The following SNAPC3 variants were observed in gnomAD, a reference collection of about 807,000 sequenced individuals.
SNAPC3 encodes the protein small nuclear RNA activating complex polypeptide 3, also known as snRNA-activating protein complex subunit 3.
Under a neutral mutation model 47.7 loss-of-function variants are expected in SNAPC3, and 56 were observed. That is an observed-to-expected ratio of 1.18 (90% CI 0.95 to 1.47). The LOEUF is 1.47. Ranked by LOEUF, SNAPC3 falls within the 40% of genes most tolerant of loss-of-function variation. The probability of loss-of-function intolerance (pLI) is 0.00; values close to 1 mark genes in which losing one functional copy is unlikely to be tolerated. For missense variants in SNAPC3, 665 were observed against 511.3 expected, an observed-to-expected ratio of 1.30 and a Z score of -2.90; for synonymous variants, 235 against 189.9, an observed-to-expected ratio of 1.24 and a Z score of -1.95.
downstream of SNAPC3, chr9:15,462,331 A>T (rs946994985): frequency 3.9e-5 from 6 of 152,228 alleles, no homozygotes; most frequent in Non-Finnish European, 4.4e-5. Flanking sequence ...GAGAAAAGTT[A>T]ATCAACCAGG....
Position 15,444,024 on chromosome 9 carries a change from A to G in SNAPC3, c.478-578A>G, listed in dbSNP as rs369674070. Among the ~76,000 whole-genome samples the G allele has an allele frequency of 3.9e-5, 6 of 152,312 alleles. No homozygotes were observed. In the East Asian group the frequency reaches 9.6e-4, roughly 24 times the overall value. Reference sequence around the variant, plus strand: ...GGAGCTGCCTACTCTATTTTGTGACATGATTCCCACTTATTTTTAAAACTC... The same window carrying G: ...GGAGCTGCCTACTCTATTTTGTGACGTGATTCCCACTTATTTTTAAAACTC... On this transcript the variant is annotated intron_variant, in intron 3 of 8. Transcript: ENST00000380821.
intron 2 of SNAPC3, among the ~76,000 whole-genome samples, chr9:15,428,245 A>G (rs939678170): frequency 6.6e-6 from 1 of 152,202 alleles, no homozygotes; most frequent in African/African-American, 2.4e-5. Context: ...AAAAATGAGC[A>G]AGAGGAAATA....
At chr9:15,429,194 GT>G (rs140696854) in intron 2 of SNAPC3, among the ~76,000 whole-genome samples, 3 of 151,390 alleles carry the variant, frequency 2.0e-5, no homozygotes, top group Non-Finnish European at 2.9e-5. Context: ...ATAGAGCAGT[GT>G]TTTTTTTTAA....
chr9:15,436,581 C>G (rs111245985), intron 3 of SNAPC3, among the ~76,000 whole-genome samples: 16 of 152,226 alleles, frequency 1.1e-4, no homozygotes, highest in African/African-American at 3.9e-4. Flanking sequence ...AGTGTGAGTC[C>G]TCCAACTTTG....
chr9:15,450,466 A>G (rs1587361790), intron 5 of SNAPC3, among the ~76,000 whole-genome samples: 1 of 152,360 alleles, frequency 6.6e-6, no homozygotes, highest in East Asian at 1.9e-4. Context: ...CCTGTAAGAC[A>G]TCGTGGCAGA....
intron 2 of SNAPC3, among the ~76,000 whole-genome samples, chr9:15,427,117 GT>G (rs1205772287): frequency 6.6e-6 from 1 of 152,078 alleles, no homozygotes; most frequent in Non-Finnish European, 1.5e-5. Flanking sequence ...GAAAGAGCTC[GT>G]TTTATGCATA....
rs148038928 is a variant in SNAPC3 at position 15,451,381 on chromosome 9, C to T, written c.794C>T (p.Pro265Leu). The change falls in exon 6 of 9, where the codon CCA (proline) becomes CTA (leucine). Residue 265 changes from proline to leucine, a missense_variant. Physicochemically the swap from Pro to Leu is moderately conservative, Grantham distance 98. Transcript: ENST00000380821. The stretch of plus-strand genomic sequence containing the variant: ...ACATTTTATAATGATAAAAGATACC[C>T]AGAATGCAGAGATTTGAGCAGGTAT... ...EGTFYNDKRY[P>L]ECRDLSRTII... 2 of 1,541,688 alleles carry T rather than the reference C, an allele frequency of 1.3e-6. No individual in the cohort carries two copies. The highest frequency in any genetic ancestry group is 1.8e-6 in the Non-Finnish European group (2 of 1,125,904).
intron 5 of SNAPC3, among the ~76,000 whole-genome samples, chr9:15,447,923 A>C (rs1231734042): frequency 1.3e-5 from 2 of 152,198 alleles, no homozygotes; most frequent in Non-Finnish European, 2.9e-5. Context: ...GGATGGAAAG[A>C]AGCAGTGTGG....
At chr9:15,442,986 C>T (rs1009847929) in intron 3 of SNAPC3, among the ~76,000 whole-genome samples, 2 of 152,222 alleles carry the variant, frequency 1.3e-5, no homozygotes, top group African/African-American at 4.8e-5. Context: ...CTGGCCAACA[C>T]AGCGAAACCC....
At chr9:15,440,709 G>T (rs182982743) in intron 3 of SNAPC3, among the ~76,000 whole-genome samples, 1 of 152,272 alleles carries the variant, frequency 6.6e-6, no homozygotes, top group Non-Finnish European at 1.5e-5. Context: ...CAGCACTTTG[G>T]GAGGCCGAGG....
downstream of SNAPC3, chr9:15,464,341 A>G (rs1477471893): frequency 5.2e-6 from 1 of 194,052 alleles, no homozygotes; most frequent in Non-Finnish European, 1.1e-5. Context: ...ATATTCATAT[A>G]ATTTCAAAAC....
downstream of SNAPC3, chr9:15,464,766 T>G (rs2035497351): frequency 9.7e-6 from 2 of 205,560 alleles, no homozygotes; most frequent in East Asian, 1.5e-4. Flanking sequence ...GATTTAACCC[T>G]AAAGCCAGAT....
intron 2 of SNAPC3, among the ~76,000 whole-genome samples, chr9:15,425,653 A>G (rs1178842945): frequency 6.6e-6 from 1 of 152,208 alleles, no homozygotes; most frequent in Non-Finnish European, 1.5e-5. Context: ...TGAGAGTCCA[A>G]ACTCCCATCT....
intron 4 of SNAPC3, among the ~76,000 whole-genome samples, chr9:15,445,252 G>A (rs1032559071): frequency 2.6e-5 from 4 of 152,192 alleles, no homozygotes; most frequent in African/African-American, 9.7e-5. Context: ...TGAAATATAT[G>A]CCTGATTTCT....
chr9:15,457,379 G>A (rs539366059), intron 7 of SNAPC3, among the ~76,000 whole-genome samples: 3 of 152,228 alleles, frequency 2.0e-5, no homozygotes, highest in African/African-American at 7.2e-5. Context: ...AGGATCGCTT[G>A]AGACCAGGAG....
chr9:15,437,276 C>G (rs1425546282), intron 3 of SNAPC3, among the ~76,000 whole-genome samples: 5 of 151,286 alleles, frequency 3.3e-5, no homozygotes, highest in Non-Finnish European at 7.4e-5. Flanking sequence ...TTCTGTCACC[C>G]AGGCTGAGTG....
intron 3 of SNAPC3, among the ~76,000 whole-genome samples, chr9:15,440,537 A>T (rs1177022776): frequency 6.6e-6 from 1 of 152,184 alleles, no homozygotes; most frequent in Admixed American, 6.5e-5. Context: ...AAGTAAAAAA[A>T]TTTAAAAGCT....
In SNAPC3 at chr9:15,451,388, CAG is replaced by C; in HGVS notation, c.805_806del (p.Asp269PhefsTer7). 1 of 1,535,382 alleles carries C rather than the reference CAG, an allele frequency of 6.5e-7. No homozygotes were observed. Among genetic ancestry groups the C allele is most frequent in the Non-Finnish European group, 8.9e-7 (1 of 1,121,114 alleles). ...ATAATGATAAAAGATACCCAGAATG[CAG>C]AGATTTGAGCAGGTATAGTTTCCAA... is the stretch of plus-strand genomic sequence containing the variant. ...FYNDKRYPECRDLSRTIIEWS... is the reference protein window; with the variant it reads ...FYNDKRYPECXDLSRTIIEWS... On this transcript the variant is annotated frameshift_variant, in exon 6 of 9. Transcript: ENST00000380821. LOFTEE classifies it high-confidence loss of function.
chr9:15,452,803 T>G (rs2034490229), intron 6 of SNAPC3, among the ~76,000 whole-genome samples: 1 of 152,198 alleles, frequency 6.6e-6, no homozygotes, highest in Admixed American at 6.5e-5. Context: ...TGTTACACAT[T>G]TTGCATTTAA....
Sources: gnomAD v4.1 joint callset for allele counts (sites outside exome capture counted in the v4.1 genomes callset) on GRCh38, gnomAD v4.1.1 for gene constraint, MANE v1.5 for transcripts, NCBI Gene and HGNC (gene_info 2026-07-23, HGNC 2026-07-21) for gene names.